PRKCE: variants seen among roughly 807,000 people sequenced by gnomAD.
PRKCE encodes protein kinase C epsilon type.
A neutral mutation model predicts 85.4 loss-of-function variants in PRKCE; 16 were observed. The ratio of observed to expected loss-of-function variants is 0.19; its 90% CI spans 0.13 to 0.28. PRKCE has a LOEUF of 0.28. PRKCE is among the 10% of genes least tolerant of loss of function. The probability of loss-of-function intolerance (pLI) is 1.00; values close to 1 mark genes in which losing one functional copy is unlikely to be tolerated. For synonymous variants in PRKCE, 388 were observed against 371.5 expected, an observed-to-expected ratio of 1.04 and a Z score of -0.51; for missense variants, 573 against 975.2, an observed-to-expected ratio of 0.59 and a Z score of 5.49.
At chr2:45,809,309 T>C (rs1472659555) in intron 1 of PRKCE, among the ~76,000 whole-genome samples, 1 of 152,132 alleles carries the variant, frequency 6.6e-6, no homozygotes, top group Non-Finnish European at 1.5e-5. Flanking sequence ...TAATTAAGCG[T>C]CATTCATAAC....
intron 2 of PRKCE, among the ~76,000 whole-genome samples, chr2:45,973,469 C>T (rs946263782): frequency 1.9e-4 from 29 of 152,214 alleles, no homozygotes; most frequent in Non-Finnish European, 2.4e-4. Flanking sequence ...TTTTCCATAT[C>T]TGACATCAAA....
intron 1 of PRKCE, among the ~76,000 whole-genome samples, chr2:45,715,789 G>T (rs1680039343): frequency 6.6e-6 from 1 of 152,128 alleles, no homozygotes; most frequent in Non-Finnish European, 1.5e-5. Flanking sequence ...ATTATTTTTG[G>T]GGGTGAGGAT....
At position 45,697,726 on chromosome 2, in the gene PRKCE, G is replaced by A. The variant is rs1401948847; in HGVS notation, c.348+45278G>A. 6.6e-6 allele frequency among the ~76,000 whole-genome samples: 1 copy of A among 152,130 alleles called. No homozygotes were observed. The highest frequency in any genetic ancestry group is 2.4e-5 in the African/African-American group (1 of 41,420). ...TCTGGAAGTTACTTCCTGTTTCACA[G>A]CCCCTCTCTTACTTTGAGGTTCCCA... On this transcript the variant is annotated intron_variant, in intron 1 of 14. Transcript: ENST00000306156. This position sits in a 1 kb window ranked among gnomAD's most constrained non-coding sequence, Gnocchi z 4.2.
chr2:45,799,166 A>C lies in PRKCE; in HGVS notation c.349-43834A>C, dbSNP rs56663649. ...GGGCAACAGAGTGGGACTCCGTTTCAAAAAAAAAAAAAGAAAAAAGTGAGC... is the reference window on the plus strand; with the variant it reads ...GGGCAACAGAGTGGGACTCCGTTTCCAAAAAAAAAAAAGAAAAAAGTGAGC... On this transcript the variant is annotated intron_variant, in intron 1 of 14. Coordinates refer to ENST00000306156, the MANE Select transcript of PRKCE (RefSeq NM_005400.3). Among the ~76,000 whole-genome samples, 1,009 of 125,558 alleles carry C rather than the reference A, an allele frequency of 8.0e-3. 14 individuals carry two copies. Among genetic ancestry groups the C allele is most frequent in the African/African-American group, 0.043 (970 of 22,614 alleles). The allele number at this position is 125,558 out of a possible 152,430, so 82.4% of individuals were successfully genotyped here. A position where few individuals can be genotyped will look rare whatever the true frequency, so the allele number is the denominator to read the frequency against.
At chr2:45,981,408 A>C (rs981222990) in intron 5 of PRKCE, among the ~76,000 whole-genome samples, 1 of 152,216 alleles carries the variant, frequency 6.6e-6, no homozygotes, top group Non-Finnish European at 1.5e-5. Context: ...AGAGACTTCT[A>C]CCTGCTTCTT....
chr2:45,686,809 G>A (rs868846340), intron 1 of PRKCE, among the ~76,000 whole-genome samples: 17 of 152,078 alleles, frequency 1.1e-4, no homozygotes, highest in Admixed American at 3.9e-4. Context: ...GAAAATTGGC[G>A]TCCAGAGCTA....
At chr2:45,876,584 T>C (rs1311746294) in intron 2 of PRKCE, among the ~76,000 whole-genome samples, 1 of 152,248 alleles carries the variant, frequency 6.6e-6, no homozygotes, top group African/African-American at 2.4e-5. Context: ...CAGCCTACCC[T>C]GCAGGCTTGA....
intron 10 of PRKCE, among the ~76,000 whole-genome samples, chr2:46,032,512 G>A (rs563047072): frequency 7.2e-5 from 11 of 152,260 alleles, no homozygotes; most frequent in African/African-American, 2.4e-4. Flanking sequence ...AAACCTTCCC[G>A]CTGGTTGTCC....
chr2:45,978,855 TC>T, intron 3 of PRKCE, 120 bp from the exon 4 acceptor site: 1 of 781,678 alleles, frequency 1.3e-6, no homozygotes, highest in Non-Finnish European at 2.1e-6. Context: ...ATTACAATAT[TC>T]TGCATACTTC....
chr2:45,871,682 T>A (rs1403460071), intron 2 of PRKCE, among the ~76,000 whole-genome samples: 2 of 152,178 alleles, frequency 1.3e-5, no homozygotes, highest in Admixed American at 6.5e-5. Flanking sequence ...GTATTTTTCT[T>A]TGCAGAGATG....
intron 11 of PRKCE, among the ~76,000 whole-genome samples, chr2:46,109,274 T>C (rs1672028409): frequency 6.6e-6 from 1 of 152,156 alleles, no homozygotes; most frequent in African/African-American, 2.4e-5. Flanking sequence ...TCTATAGATT[T>C]TAAGTTGGGG....
intron 1 of PRKCE, among the ~76,000 whole-genome samples, chr2:45,806,529 C>T (rs1688256567): frequency 1.3e-5 from 2 of 152,210 alleles, no homozygotes; most frequent in Non-Finnish European, 2.9e-5. Flanking sequence ...ACCATCTATC[C>T]ACAAAACTCT....
At chr2:45,765,148 TAAGCCATGCATAACTCTAAGCCTG>T (rs1684813188) in intron 1 of PRKCE, among the ~76,000 whole-genome samples, 1 of 152,220 alleles carries the variant, frequency 6.6e-6, no homozygotes, top group Admixed American at 6.5e-5. Flanking sequence ...AATACGTTCT[TAAGCCATGCATAACTCTAAGCCTG>T]TTTTAACCAT....
intron 14 of PRKCE, among the ~76,000 whole-genome samples, chr2:46,167,257 T>C (rs1558522550): frequency 6.6e-6 from 1 of 152,208 alleles, no homozygotes; most frequent in African/African-American, 2.4e-5. Flanking sequence ...TGAGCCTCGG[T>C]CTGCTGATCA....
intron 1 of PRKCE, among the ~76,000 whole-genome samples, chr2:45,821,572 G>A (rs1573491594): frequency 6.6e-6 from 1 of 152,190 alleles, no homozygotes; most frequent in African/African-American, 2.4e-5. Context: ...GAGTCAGGAT[G>A]TGCCCTAGGA....
chr2:45,660,419 C>G (rs898243093), intron 1 of PRKCE, among the ~76,000 whole-genome samples: 1 of 152,190 alleles, frequency 6.6e-6, no homozygotes, highest in Non-Finnish European at 1.5e-5. Context: ...TAGGAATTTT[C>G]TACCCTCTGA....
intron 11 of PRKCE, among the ~76,000 whole-genome samples, chr2:46,128,192 T>G (rs1674055861): frequency 1.3e-5 from 2 of 152,198 alleles, no homozygotes; most frequent in Admixed American, 1.3e-4. Context: ...ATTGTGTTGT[T>G]CCCTTCCAGC....
intron 10 of PRKCE, among the ~76,000 whole-genome samples, chr2:46,014,058 G>A (rs528726644): frequency 5.3e-5 from 8 of 152,296 alleles, no homozygotes; most frequent in African/African-American, 1.4e-4. Flanking sequence ...TACTGAGCCC[G>A]CCTACCCTTG....
chr2:46,082,603 T>G lies in PRKCE; in HGVS notation c.1438-3605T>G, dbSNP rs540287660. On this transcript the variant is annotated intron_variant, in intron 10 of 14. Transcript: ENST00000306156. ...CCTTGGAAACTGGGCGTGGACAAGA[T>G]CCTCAGCAAGCACTCAGTGAGGATG... Among the ~76,000 whole-genome samples, 11 of 152,214 alleles carry G rather than the reference T, an allele frequency of 7.2e-5. No homozygotes were observed. In the South Asian group the frequency reaches 1.9e-3, roughly 26 times the overall value.
Sources: allele counts gnomAD v4.1 joint callset (sites outside exome capture counted in the v4.1 genomes callset), GRCh38; gene constraint gnomAD v4.1.1; non-coding constraint Gnocchi (gnomAD v3.1); transcripts MANE v1.5; gene names NCBI Gene and HGNC (gene_info 2026-07-23, HGNC 2026-07-21).